CELF2: variants seen among roughly 807,000 people sequenced by gnomAD.
The protein encoded by CELF2 is CUG triplet repeat RNA-binding protein 2.
A neutral mutation model predicts 62.6 loss-of-function variants in CELF2; 8 were observed. The ratio of observed to expected loss-of-function variants is 0.13; its 90% CI spans 0.07 to 0.23. The LOEUF is 0.23. Ranked by LOEUF, CELF2 falls within the 10% of genes least tolerant of loss-of-function variation. The pLI is 1.00. For synonymous variants in CELF2, 258 were observed against 250.0 expected (o/e 1.03, Z -0.30); for missense variants, 333 against 671.0 (o/e 0.50, Z 5.56).
intron 1 of CELF2, among the ~76,000 whole-genome samples, chr10:11,021,200 G>A (rs1490749763): frequency 6.6e-6 from 1 of 152,130 alleles, no homozygotes; most frequent in Non-Finnish European, 1.5e-5. Context: ...ATTACAGTTA[G>A]ACTGATAAAC....
rs1010629348 is a variant in CELF2, at chr10:11,268,826, A to G, written c.619-1840A>G. Among the ~76,000 whole-genome samples the G allele has an allele frequency of 6.6e-6, 1 of 152,224 alleles. No homozygotes were observed. Among genetic ancestry groups the G allele is most frequent in the Non-Finnish European group, 1.5e-5 (1 of 68,044 alleles). ...AGGACTCTGGCATACATCTTTAACC[A>G]AGATGTATTACCTAATTCACAATGA... On this transcript the variant is annotated intron_variant, in intron 6 of 12. Coordinates refer to ENST00000633077, the MANE Select transcript of CELF2 (RefSeq NM_001326342.2). The surrounding 1 kb of genome is among the most constrained non-coding windows in gnomAD (Gnocchi z 4.7).
chr10:11,262,426 C>T (rs1378529262), intron 5 of CELF2, among the ~76,000 whole-genome samples: 1 of 152,212 alleles, frequency 6.6e-6, no homozygotes, highest in Non-Finnish European at 1.5e-5. Context: ...TCACACATTT[C>T]AGCTCTGCCC....
At chr10:11,021,932 T>A (rs1363081198) in intron 1 of CELF2, among the ~76,000 whole-genome samples, 2 of 152,232 alleles carry the variant, frequency 1.3e-5, no homozygotes. Flanking sequence ...TTGATTCCAA[T>A]TCGGTTATTC....
chr10:10,857,649 G>GTATATATA (rs779543257), intron 1 of CELF2, among the ~76,000 whole-genome samples: 4,033 of 93,672 alleles, frequency 0.043, 136 homozygotes, highest in Non-Finnish European at 0.046. Context: ...CATATATATA[G>GTATATATA]TATATATATA....
chr10:10,939,683 G>A (rs1212458939), intron 2 of CELF2, among the ~76,000 whole-genome samples: 2 of 152,122 alleles, frequency 1.3e-5, no homozygotes, highest in South Asian at 4.2e-4. Context: ...GGCCGGGCGC[G>A]GTGGCTCATG....
the CELF2 span, among the ~76,000 whole-genome samples, chr10:10,775,122 C>T: frequency 2.0e-5 from 3 of 152,252 alleles, no homozygotes; most frequent in South Asian, 4.1e-4. Flanking sequence ...GGTGATCCAC[C>T]GGCCTCAGCC....
At chr10:11,241,959 G>A (rs1008505303) in intron 3 of CELF2, among the ~76,000 whole-genome samples, 5 of 152,126 alleles carry the variant, frequency 3.3e-5, no homozygotes, top group South Asian at 2.1e-4. Flanking sequence ...ATATACAAGC[G>A]AGACACAAGT....
chr10:10,772,881 G>C, the CELF2 span, among the ~76,000 whole-genome samples: 279 of 152,306 alleles, frequency 1.8e-3, 2 homozygotes, highest in South Asian at 0.013. Flanking sequence ...AGATAAGAAA[G>C]AGAATACCAT....
At chr10:10,769,654 C>T in the CELF2 span, among the ~76,000 whole-genome samples, 1 of 152,066 alleles carries the variant, frequency 6.6e-6, no homozygotes, top group Non-Finnish European at 1.5e-5. Context: ...GTCCCAGATA[C>T]TCAGGGGACT....
At position 10,963,418 on chromosome 10, in the gene CELF2, T is replaced by C. The variant is rs574250437; in HGVS notation, c.89+43419T>C. Among the ~76,000 whole-genome samples, 3 of 152,318 alleles carry C rather than the reference T, an allele frequency of 2.0e-5. No individual in the cohort carries two copies. In the South Asian group the frequency reaches 6.2e-4, roughly 32 times the overall value. On this transcript the variant is annotated intron_variant, in intron 2 of 13. Transcript: ENST00000636488. ...TTATATTTCACACTTGAGGCTGTCA[T>C]CTTTAACCTGCTCTTCTTAACGGGG... is the stretch of plus-strand genomic sequence containing the variant.
chr10:10,616,984 C>A, the CELF2 span, among the ~76,000 whole-genome samples: 1 of 151,918 alleles, frequency 6.6e-6, no homozygotes, highest in Non-Finnish European at 1.5e-5. Context: ...CTCAAACTCC[C>A]AGGCTCAAGC....
chr10:10,736,357 A>ATTCT, the CELF2 span, among the ~76,000 whole-genome samples: 4,868 of 109,586 alleles, frequency 0.044, 222 homozygotes, highest in African/African-American at 0.086. Context: ...ACTGATTTCT[A>ATTCT]TTCTTTCTTT....
rs756888258 is a variant in CELF2 at position 11,157,405 on chromosome 10, CACAA to C, written c.75-8079_75-8076del. Among the ~76,000 whole-genome samples the C allele has an allele frequency of 1.0e-2, 1,260 of 126,422 alleles. 19 individuals carry two copies. The highest frequency in any genetic ancestry group is 0.035 in the African/African-American group (1,184 of 34,228). 82.9% of individuals were successfully genotyped at this position (126,422 alleles called of 152,430 possible). On this transcript the variant is annotated intron_variant, in intron 1 of 12. Transcript: ENST00000633077. The surrounding 1 kb of genome is among the most constrained non-coding windows in gnomAD (Gnocchi z 4.9). Reference sequence around the variant, plus strand: ...TCCGCCCTCCCCCCACACACACACACACAAAAATTTCACTTAAACATTGCTCACA... The same window carrying C: ...TCCGCCCTCCCCCCACACACACACACAAATTTCACTTAAACATTGCTCACA...
intron 1 of CELF2, among the ~76,000 whole-genome samples, chr10:11,076,866 A>G (rs2072133782): frequency 6.6e-6 from 1 of 152,194 alleles, no homozygotes; most frequent in Admixed American, 6.5e-5. Context: ...GATTGACTGT[A>G]GGGGAGCTTG....
chr10:10,482,708 T>C, the CELF2 span, among the ~76,000 whole-genome samples: 1 of 152,200 alleles, frequency 6.6e-6, no homozygotes, highest in Non-Finnish European at 1.5e-5. Flanking sequence ...AGCTAATTCC[T>C]ACAGATAGTA....
the CELF2 span, among the ~76,000 whole-genome samples, chr10:10,751,413 A>AAG: frequency 6.6e-6 from 1 of 152,242 alleles, no homozygotes; most frequent in Admixed American, 6.5e-5. Context: ...AAGTCTGACA[A>AAG]AGAAGCAAGT....
chr10:11,106,173 G>A lies in CELF2; in HGVS notation c.75-59313G>A, dbSNP rs904637470. Among the ~76,000 whole-genome samples the A allele has an allele frequency of 4.0e-5, 6 of 151,102 alleles. No homozygotes were observed. In the East Asian group the frequency reaches 1.2e-3, roughly 29 times the overall value. Reference sequence around the variant, plus strand: ...CAGAAAACATCCAAACCCAGAACTTGGTCATCTTGGCACTTTTATTTTATT... The same window carrying A: ...CAGAAAACATCCAAACCCAGAACTTAGTCATCTTGGCACTTTTATTTTATT... On this transcript the variant is annotated intron_variant, in intron 1 of 12. Transcript: ENST00000633077.
chr10:11,064,488 G>A (rs2067567217), intron 1 of CELF2, among the ~76,000 whole-genome samples: 1 of 152,146 alleles, frequency 6.6e-6, no homozygotes. Context: ...TTCTTGTTAA[G>A]GGAGAAAAAG....
intron 1 of CELF2, among the ~76,000 whole-genome samples, chr10:10,870,756 C>A (rs1018412702): frequency 6.6e-6 from 1 of 152,192 alleles, no homozygotes; most frequent in Non-Finnish European, 1.5e-5. Flanking sequence ...CAGCCTTCTG[C>A]GGTCAGGCAT....
Sources: allele counts gnomAD v4.1 joint callset (sites outside exome capture counted in the v4.1 genomes callset), GRCh38; gene constraint gnomAD v4.1.1; non-coding constraint Gnocchi (gnomAD v3.1); transcripts MANE v1.5; gene names NCBI Gene and HGNC (gene_info 2026-07-23, HGNC 2026-07-21).